The following ZZEF1 variants were observed in gnomAD, a reference collection of about 807,000 sequenced individuals.
ZZEF1 encodes zinc finger ZZ-type and EF-hand domain-containing protein 1.
A neutral mutation model predicts 342.8 loss-of-function variants in ZZEF1; 157 were observed. That is an observed-to-expected ratio of 0.46 (90% CI 0.40 to 0.52). ZZEF1 has a LOEUF of 0.52. Among genes scored for constraint, ZZEF1 ranks in the 20% least tolerant of loss-of-function variants. ZZEF1 has a pLI of 0.00. For synonymous variants in ZZEF1, 1,505 were observed against 1,429.1 expected (o/e 1.05, Z -1.20); for missense variants, 3,480 against 3,725.6 (o/e 0.93, Z 1.72).
At chr17:4,024,475 T>C (rs988956316) in intron 43 of ZZEF1, among the ~76,000 whole-genome samples, 2 of 152,092 alleles carry the variant, frequency 1.3e-5, no homozygotes, top group African/African-American at 4.8e-5. Flanking sequence ...CCAGGATTAC[T>C]GCTGTGAGCC....
At chr17:4,114,597 T>C in intron 3 of ZZEF1, 127 bp from the exon 4 acceptor site, 1 of 762,752 alleles carries the variant, frequency 1.3e-6, no homozygotes, top group Non-Finnish European at 1.9e-6. Flanking sequence ...TTCCTTAAAA[T>C]CTCCTTCCAG....
At chr17:4,029,896 G>T (rs1374637783) in intron 42 of ZZEF1, among the ~76,000 whole-genome samples, 1 of 110,526 alleles carries the variant, frequency 9.0e-6, no homozygotes, top group Non-Finnish European at 1.9e-5. Flanking sequence ...AAAAAAAAAA[G>T]ACAGAAACCA....
chr17:4,006,669 T>G lies in ZZEF1; in HGVS notation c.*221A>C. 1 of 606,942 alleles carries G rather than the reference T, an allele frequency of 1.6e-6. No individual in the cohort carries two copies. Among genetic ancestry groups the G allele is most frequent in the Non-Finnish European group, 3.0e-6 (1 of 337,132 alleles). 37.6% of individuals were successfully genotyped at this position (606,942 alleles called of 1,614,324 possible). ...CCCCTGCCCACCCTTTCTGAGGCATTCTGCACTGCTTGGCTTATTTTCACC... is the reference window on the plus strand; with the variant it reads ...CCCCTGCCCACCCTTTCTGAGGCATGCTGCACTGCTTGGCTTATTTTCACC... On this transcript the variant is annotated 3_prime_UTR_variant, in exon 55 of 55. Transcript: ENST00000381638.
intron 53 of ZZEF1, chr17:4,009,381 T>A (rs934253503): frequency 1.6e-6 from 1 of 624,782 alleles, no homozygotes; most frequent in Non-Finnish European, 2.8e-6. Flanking sequence ...TTCTCCCCCA[T>A]TGGCTCTAGG....
At chr17:4,056,582 T>G (rs1283367058) in intron 32 of ZZEF1, among the ~76,000 whole-genome samples, 1 of 152,194 alleles carries the variant, frequency 6.6e-6, no homozygotes, top group Non-Finnish European at 1.5e-5. Flanking sequence ...ATTAAGAGTT[T>G]GAAAGGTTGT....
chr17:4,123,268 C>CATATATATAT lies in ZZEF1; in HGVS notation c.499+629_499+638dup, dbSNP rs60101709. The stretch of plus-strand genomic sequence containing the variant: ...TTTATACATTAGAATTTATCATAAC[C>CATATATATAT]ATATATATATATATATATATATATA... On this transcript the variant is annotated intron_variant, in intron 2 of 54. Transcript: ENST00000381638. Among the ~76,000 whole-genome samples, 287 of 85,286 alleles carry CATATATATAT rather than the reference C, an allele frequency of 3.4e-3. 7 individuals are homozygous for CATATATATAT. Among genetic ancestry groups the CATATATATAT allele is most frequent in the Non-Finnish European group, 4.7e-3 (198 of 42,284 alleles). 56.0% of individuals were successfully genotyped at this position (85,286 alleles called of 152,430 possible).
intron 42 of ZZEF1, 121 bp from the exon 43 acceptor site, chr17:4,025,239 C>T (rs751078100): frequency 5.4e-5 from 52 of 968,902 alleles, no homozygotes; most frequent in Middle Eastern, 3.2e-4. Flanking sequence ...ATAAATCTCT[C>T]GGGCTCAGTC....
chr17:4,038,154 T>C (rs1025918887), intron 39 of ZZEF1, among the ~76,000 whole-genome samples: 1 of 152,248 alleles, frequency 6.6e-6, no homozygotes, highest in Non-Finnish European at 1.5e-5. Flanking sequence ...TAATTATTTC[T>C]AAATTTGAGA....
At chr17:4,041,810 G>C (rs1212943579) in intron 39 of ZZEF1, among the ~76,000 whole-genome samples, 2 of 151,956 alleles carry the variant, frequency 1.3e-5, no homozygotes, top group Non-Finnish European at 2.9e-5. Flanking sequence ...TTTAAAAAAA[G>C]GCAAGGGAAG....
At chr17:4,013,399 G>A (rs772749849) in intron 52 of ZZEF1, 50 bp downstream of exon 52, 11 of 1,504,602 alleles carry the variant, frequency 7.3e-6, no homozygotes, top group Non-Finnish European at 8.1e-6. Context: ...CAGCCACAGA[G>A]TGGGGATACA....
chr17:4,123,901 C>T lies in ZZEF1; in HGVS notation c.499+6G>A. On this transcript the variant is annotated splice_donor_region_variant and intron_variant, in intron 2 of 54. Transcript: ENST00000381638. ...TTCTAAGACAGCACCTAGATGGAAG[C>T]CTCACCTGGAACCAGAGAGCAGGCC... 1 of 1,611,560 alleles carries T rather than the reference C, an allele frequency of 6.2e-7. No homozygotes were observed. Among genetic ancestry groups the T allele is most frequent in the Non-Finnish European group, 8.5e-7 (1 of 1,179,110 alleles).
chr17:4,036,799 ACACACACACACACACACACTCTCTCT>A (rs1008355275), intron 39 of ZZEF1, among the ~76,000 whole-genome samples: 1 of 94,550 alleles, frequency 1.1e-5, no homozygotes, highest in African/African-American at 7.8e-5. Context: ...ACACACACAC[ACACACACACACACACACACTCTCTCT>A]CTCTCTCTCT....
chr17:4,066,824 T>C (rs973728980), intron 27 of ZZEF1, among the ~76,000 whole-genome samples: 3 of 93,200 alleles, frequency 3.2e-5, no homozygotes, highest in African/African-American at 1.9e-4. Flanking sequence ...CTGCTGCAGA[T>C]TGAACCAAAA....
At chr17:4,009,023 G>A in intron 53 of ZZEF1, 69 bp from the exon 54 acceptor site, 1 of 1,508,788 alleles carries the variant, frequency 6.6e-7, no homozygotes, top group Non-Finnish European at 8.9e-7. Context: ...CAGACCACCT[G>A]GGACACCTGC....
Position 4,095,981 on chromosome 17 carries a change from T to C in ZZEF1, c.1765-2A>G. The C allele has an allele frequency of 6.2e-7, 1 of 1,606,108 alleles. No homozygotes were observed. The highest frequency in any genetic ancestry group is 8.5e-7 in the Non-Finnish European group (1 of 1,175,702). ...GGCACCAATGCCACCACGTCGAACCTGGAAACAGAGATTAGGATGAAGTCT... is the reference window on the plus strand; with the variant it reads ...GGCACCAATGCCACCACGTCGAACCCGGAAACAGAGATTAGGATGAAGTCT... On this transcript the variant is annotated splice_acceptor_variant, in intron 10 of 54. Coordinates refer to ENST00000381638, the MANE Select transcript of ZZEF1 (RefSeq NM_015113.4). LOFTEE classifies it high-confidence loss of function.
intron 42 of ZZEF1, among the ~76,000 whole-genome samples, chr17:4,031,799 C>A (rs1415825389): frequency 2.0e-5 from 3 of 152,150 alleles, no homozygotes; most frequent in Non-Finnish European, 1.5e-5. Context: ...CATGTAGTCA[C>A]CTGACTCCAA....
chr17:4,090,659 A>G, intron 12 of ZZEF1, 60 bp downstream of exon 12: 1 of 1,363,804 alleles, frequency 7.3e-7, no homozygotes, highest in South Asian at 1.2e-5. Flanking sequence ...ATACACAATC[A>G]CTACTCAAAA....
At chr17:4,072,517 A>T in intron 25 of ZZEF1, 91 bp downstream of exon 25, 1 of 1,425,018 alleles carries the variant, frequency 7.0e-7, no homozygotes, top group East Asian at 2.5e-5. Context: ...TACGGGTAGT[A>T]AGATAGAAAC....
chr17:4,104,921 T>G, intron 7 of ZZEF1, 110 bp from the exon 8 acceptor site: 1 of 870,540 alleles, frequency 1.1e-6, no homozygotes, highest in African/African-American at 1.7e-5. Context: ...GCCATATGCT[T>G]TCTACAGGTT....
Sources: gnomAD v4.1 joint callset for allele counts (sites outside exome capture counted in the v4.1 genomes callset) on GRCh38, gnomAD v4.1.1 for gene constraint, MANE v1.5 for transcripts, NCBI Gene and HGNC (gene_info 2026-07-23, HGNC 2026-07-21) for gene names.